The following SMAGP variants were observed in gnomAD, a reference collection of about 807,000 sequenced individuals.
SMAGP encodes the protein small cell adhesion glycoprotein.
In SMAGP, 7 loss-of-function variants were observed where a neutral mutation model predicts 10.1. The observed-to-expected ratio is 0.70, with a 90% CI of 0.40 to 1.31. The LOEUF is 1.31. SMAGP is among the 50% of genes most tolerant of loss of function. The pLI, the probability that SMAGP is intolerant of heterozygous loss-of-function variation, is 0.01. For synonymous variants in SMAGP, 49 were observed against 47.2 expected, an observed-to-expected ratio of 1.04 and a Z score of -0.16; for missense variants, 113 against 116.5, an observed-to-expected ratio of 0.97 and a Z score of 0.14.
chr12:51,252,404 A>G (rs984131636), intron 2 of SMAGP, among the ~76,000 whole-genome samples: 2 of 124,352 alleles, frequency 1.6e-5, no homozygotes, highest in Non-Finnish European at 3.4e-5. Flanking sequence ...TATTATTATT[A>G]TTTTTGAGGC....
chr12:51,260,360 TG>T (rs1449790887), intron 2 of SMAGP, among the ~76,000 whole-genome samples: 3 of 151,528 alleles, frequency 2.0e-5, no homozygotes, highest in African/African-American at 7.3e-5. Context: ...GCCGGCTGAT[TG>T]TTTTTTTTGT....
chr12:51,260,708 C>T (rs1317451144), intron 2 of SMAGP, among the ~76,000 whole-genome samples: 2 of 101,854 alleles, frequency 2.0e-5, no homozygotes, highest in East Asian at 3.1e-4. Context: ...TTTTTTGAGA[C>T]GGAGTCTCAT....
At chr12:51,246,708 C>T in intron 3 of SMAGP, 43 bp downstream of exon 3, 1 of 1,466,392 alleles carries the variant, frequency 6.8e-7, no homozygotes, top group Non-Finnish European at 9.1e-7. Context: ...GAGAGATGCC[C>T]TTGATCCAGA....
chr12:51,262,838 A>G (rs1230043449), intron 2 of SMAGP, among the ~76,000 whole-genome samples: 3 of 152,130 alleles, frequency 2.0e-5, no homozygotes, highest in Non-Finnish European at 4.4e-5. Flanking sequence ...TTGCCACCTA[A>G]GTCTGCCAGC....
chr12:51,270,147 G>A lies in SMAGP; in HGVS notation c.-39+109C>T, dbSNP rs963028096. 3 of 152,322 alleles carry A rather than the reference G, an allele frequency of 2.0e-5. No individual in the cohort carries two copies. The East Asian group carries it at 5.8e-4, about 29-fold the overall frequency. 9.4% of individuals were successfully genotyped at this position (152,322 alleles called of 1,614,324 possible). A position where few individuals can be genotyped will look rare whatever the true frequency, so the allele number is the denominator to read the frequency against. On this transcript the variant is annotated intron_variant, in intron 1 of 3. Coordinates refer to ENST00000603798, the MANE Select transcript of SMAGP (RefSeq NM_001031628.2). The stretch of plus-strand genomic sequence containing the variant: ...CGCCGCGACCCTCTGCCCCAGCGGA[G>A]CGCTGAGCTTCGGCCGCTCCGGGTT...
In SMAGP at chr12:51,250,138, G is replaced by C. The variant is rs538715360; in HGVS notation, c.35-3307C>G. Among the ~76,000 whole-genome samples, 6 of 149,988 alleles carry C rather than the reference G, an allele frequency of 4.0e-5. No individual in the cohort carries two copies. The South Asian group carries it at 1.3e-3, about 32-fold the overall frequency. The stretch of plus-strand genomic sequence containing the variant: ...TAATCCCAGCACTTTGGGAGACCAA[G>C]GTGGGAAGATCGCTTGAGGCCAGGA... On this transcript the variant is annotated intron_variant, in intron 2 of 3. Transcript: ENST00000603798.
chr12:51,257,148 G>C (rs1944892972), intron 2 of SMAGP, among the ~76,000 whole-genome samples: 1 of 152,146 alleles, frequency 6.6e-6, no homozygotes, highest in African/African-American at 2.4e-5. Flanking sequence ...AAATTTGTTT[G>C]TTTTTCTGAT....
chr12:51,261,329 T>C (rs1163741112), intron 2 of SMAGP, among the ~76,000 whole-genome samples: 1 of 152,016 alleles, frequency 6.6e-6, no homozygotes, highest in Non-Finnish European at 1.5e-5. Context: ...ACTCTTGACC[T>C]TGTGATTTGC....
intron 3 of SMAGP, chr12:51,246,535 T>C (rs1210361536): frequency 1.7e-5 from 8 of 463,582 alleles, no homozygotes; most frequent in African/African-American, 4.0e-5. Flanking sequence ...TGCATATCTA[T>C]TTGCGGCCAC....
At chr12:51,263,528 G>C (rs1024230971) in intron 2 of SMAGP, among the ~76,000 whole-genome samples, 2 of 152,204 alleles carry the variant, frequency 1.3e-5, no homozygotes, top group Admixed American at 1.3e-4. Context: ...TGAGATGGGA[G>C]GATCACCTGA....
At chr12:51,269,621 C>T in intron 1 of SMAGP, 1 of 230,854 alleles carries the variant, frequency 4.3e-6, no homozygotes, top group Non-Finnish European at 8.7e-6. Flanking sequence ...GGCAAAGGTT[C>T]GCAAATCAGC....
At chr12:51,246,546 C>T (rs921299870) in intron 3 of SMAGP, 3 of 474,774 alleles carry the variant, frequency 6.3e-6, no homozygotes, top group Non-Finnish European at 7.4e-6. Context: ...TTGCGGCCAC[C>T]TCCCAACCTG....
At chr12:51,250,500 GTTTTTTTTTTGT>G (rs1163959956) in intron 2 of SMAGP, among the ~76,000 whole-genome samples, 5 of 88,070 alleles carry the variant, frequency 5.7e-5, no homozygotes, top group African/African-American at 3.5e-5. Flanking sequence ...TTGTTGTTGT[GTTTTTTTTTTGT>G]TTTTTTTTTG....
intron 2 of SMAGP, among the ~76,000 whole-genome samples, chr12:51,256,425 A>T (rs933112094): frequency 6.6e-6 from 1 of 151,930 alleles, no homozygotes; most frequent in Non-Finnish European, 1.5e-5. Flanking sequence ...AGCTCTATTT[A>T]AAAAAACACA....
chr12:51,246,103 G>C lies in SMAGP; in HGVS notation c.132C>G (p.Val44=). Residue 44 remains valine (V), a synonymous_variant, in exon 4 of 4, where the codon GTC becomes GTG. Coordinates refer to ENST00000603798, the MANE Select transcript of SMAGP (RefSeq NM_001031628.2). ...TCACGACCGAGAGCAGGGTGAGGAA[G>C]ACAACGGTGATAACAACTTGGAAAG... ...TALIAVVITV[V]FLTLLSVVIL... is the part of the protein sequence containing the mutation. The C allele has an allele frequency of 6.2e-7, 1 of 1,613,906 alleles. No homozygotes were observed. The highest frequency in any genetic ancestry group is 1.3e-5 in the African/African-American group (1 of 75,050).
At chr12:51,264,951 AGAG>A (rs746444732) in intron 2 of SMAGP, among the ~76,000 whole-genome samples, 1 of 149,192 alleles carries the variant, frequency 6.7e-6, no homozygotes, top group Non-Finnish European at 1.5e-5. Context: ...AAAAAAAAAA[AGAG>A]AAAGAGAGAG....
At position 51,260,373 on chromosome 12, in the gene SMAGP, G is replaced by T. The variant is rs188856241; in HGVS notation, c.34+8872C>A. Among the ~76,000 whole-genome samples, 1,327 of 150,622 alleles carry T rather than the reference G, an allele frequency of 8.8e-3. 9 individuals carry two copies. Among genetic ancestry groups the T allele is most frequent in the Non-Finnish European group, 0.013 (853 of 67,706 alleles). On this transcript the variant is annotated intron_variant, in intron 2 of 3. Coordinates refer to ENST00000603798, the MANE Select transcript of SMAGP (RefSeq NM_001031628.2). ...CAGCCGGCTGATTGTTTTTTTTGTT[G>T]TTGTTGTTGTTGTTGTTTTTTGAGA...
At chr12:51,263,249 G>C (rs925734891) in intron 2 of SMAGP, among the ~76,000 whole-genome samples, 2 of 151,964 alleles carry the variant, frequency 1.3e-5, no homozygotes, top group African/African-American at 4.8e-5. Flanking sequence ...TGGGCATAGT[G>C]GTGGGCGCCT....
chr12:51,246,604 CTGTGTGTGTG>C (rs59561227), intron 3 of SMAGP, 137 bp downstream of exon 3: 75 of 338,216 alleles, frequency 2.2e-4, no homozygotes, highest in Middle Eastern at 1.6e-3. Context: ...TCTTTTATGG[CTGTGTGTGTG>C]TGTGTGTGTG....
Sources: gnomAD v4.1 joint callset for allele counts (sites outside exome capture counted in the v4.1 genomes callset) on GRCh38, gnomAD v4.1.1 for gene constraint, MANE v1.5 for transcripts, NCBI Gene and HGNC (gene_info 2026-07-23, HGNC 2026-07-21) for gene names.